ADAMTSL1: variants seen among roughly 807,000 people sequenced by gnomAD.
The protein encoded by ADAMTSL1 is ADAMTS-like protein 1.
A neutral mutation model predicts 201.8 loss-of-function variants in ADAMTSL1; 126 were observed. That is an observed-to-expected ratio of 0.62 (90% CI 0.54 to 0.72). The LOEUF is 0.72. Ranked by LOEUF, ADAMTSL1 falls within the 30% of genes least tolerant of loss-of-function variation. The pLI, the probability that ADAMTSL1 is intolerant of heterozygous loss-of-function variation, is 0.00. For missense variants in ADAMTSL1, 2,679 were observed against 2,277.8 expected (o/e 1.18, Z -3.59); for synonymous variants, 1,121 against 903.4 (o/e 1.24, Z -4.32).
chr9:18,698,799 G>C (rs936281227), intron 13 of ADAMTSL1, among the ~76,000 whole-genome samples: 1 of 152,218 alleles, frequency 6.6e-6, no homozygotes, highest in Non-Finnish European at 1.5e-5. Context: ...GATTTGTTAA[G>C]AATAGCAGAC....
intron 2 of ADAMTSL1, among the ~76,000 whole-genome samples, chr9:18,338,370 A>G (rs1334575322): frequency 6.6e-6 from 1 of 151,808 alleles, no homozygotes; most frequent in African/African-American, 2.4e-5. Flanking sequence ...CTGGTTTTCT[A>G]TTTCCATTCA....
At chr9:18,225,776 A>T (rs1459349398) in intron 2 of ADAMTSL1, among the ~76,000 whole-genome samples, 3 of 152,184 alleles carry the variant, frequency 2.0e-5, no homozygotes, top group African/African-American at 7.2e-5. Context: ...TTAAAATTAA[A>T]TATGATCATT....
chr9:18,052,233 C>A (rs1821971349), intron 1 of ADAMTSL1, among the ~76,000 whole-genome samples: 1 of 152,130 alleles, frequency 6.6e-6, no homozygotes, highest in Non-Finnish European at 1.5e-5. Flanking sequence ...ACAGTCTAGA[C>A]CAGAAAGCAG....
chr9:18,174,759 A>G (rs1828063120), intron 2 of ADAMTSL1, among the ~76,000 whole-genome samples: 1 of 152,174 alleles, frequency 6.6e-6, no homozygotes, highest in Non-Finnish European at 1.5e-5. Context: ...TGCAATTTCT[A>G]AATGTTCATT....
intron 2 of ADAMTSL1, among the ~76,000 whole-genome samples, chr9:18,290,441 C>G (rs1379635870): frequency 6.6e-6 from 1 of 152,114 alleles, no homozygotes; most frequent in Admixed American, 6.5e-5. Context: ...AAGAATGTGG[C>G]TGGGGTTGAA....
At chr9:18,171,616 C>G (rs1057008550) in intron 2 of ADAMTSL1, among the ~76,000 whole-genome samples, 1 of 152,006 alleles carries the variant, frequency 6.6e-6, no homozygotes, top group African/African-American at 2.4e-5. Flanking sequence ...AAATTTTCTC[C>G]CATTCTATAG....
intron 1 of ADAMTSL1, among the ~76,000 whole-genome samples, chr9:17,972,160 T>A (rs528211327): frequency 2.6e-5 from 4 of 151,472 alleles, no homozygotes; most frequent in East Asian, 1.9e-4. Context: ...TTTTTAAATT[T>A]TTTTATTTTA....
chr9:18,882,233 T>C (rs368614759), intron 23 of ADAMTSL1, among the ~76,000 whole-genome samples: 1 of 152,244 alleles, frequency 6.6e-6, no homozygotes, highest in East Asian at 1.9e-4. Flanking sequence ...ACAAATGTGC[T>C]TAGGAGTAGT....
intron 1 of ADAMTSL1, among the ~76,000 whole-genome samples, chr9:18,074,857 C>T (rs1201451124): frequency 6.6e-6 from 1 of 152,188 alleles, no homozygotes; most frequent in Non-Finnish European, 1.5e-5. Context: ...TCCTGAAGTG[C>T]TGGGATTACA....
At chr9:18,651,599 G>A (rs952767559) in intron 7 of ADAMTSL1, 2 of 152,108 alleles carry the variant, frequency 1.3e-5, no homozygotes, top group African/African-American at 4.8e-5. Flanking sequence ...TTCCTGCAGA[G>A]GACAATTTTT....
chr9:18,116,531 G>A (rs1185221718), intron 1 of ADAMTSL1, among the ~76,000 whole-genome samples: 1 of 152,100 alleles, frequency 6.6e-6, no homozygotes, highest in Non-Finnish European at 1.5e-5. Flanking sequence ...TTCTCTCACT[G>A]TGTTATGAAA....
At chr9:18,633,850 C>A (rs1233997417) in intron 5 of ADAMTSL1, among the ~76,000 whole-genome samples, 1 of 151,908 alleles carries the variant, frequency 6.6e-6, no homozygotes, top group Non-Finnish European at 1.5e-5. Context: ...GCATATGATT[C>A]TTTTTTCTCA....
intron 2 of ADAMTSL1, among the ~76,000 whole-genome samples, chr9:18,398,063 A>G (rs901824094): frequency 1.3e-5 from 2 of 152,218 alleles, no homozygotes; most frequent in East Asian, 1.9e-4. Flanking sequence ...CTGAAAGTAC[A>G]TTCAATCTAA....
At chr9:17,955,023 T>A (rs772018107) in intron 1 of ADAMTSL1, among the ~76,000 whole-genome samples, 1 of 152,088 alleles carries the variant, frequency 6.6e-6, no homozygotes, top group Non-Finnish European at 1.5e-5. Flanking sequence ...GTGGCCCCAG[T>A]TAAAAATAAT....
At chr9:18,546,373 AC>A (rs1820467412) in intron 3 of ADAMTSL1, among the ~76,000 whole-genome samples, 1 of 152,106 alleles carries the variant, frequency 6.6e-6, no homozygotes, top group Non-Finnish European at 1.5e-5. Context: ...GTGCACGGGT[AC>A]AATCACAGCT....
chr9:18,678,227 G>C (rs541262706), intron 10 of ADAMTSL1, among the ~76,000 whole-genome samples: 1 of 152,140 alleles, frequency 6.6e-6, no homozygotes, highest in African/African-American at 2.4e-5. Flanking sequence ...GCCAAAAGAG[G>C]CTAAATGTAT....
chr9:18,354,786 A>G (rs980740963), intron 2 of ADAMTSL1, among the ~76,000 whole-genome samples: 27 of 152,218 alleles, frequency 1.8e-4, no homozygotes, highest in African/African-American at 5.5e-4. Flanking sequence ...TGGCCAACGT[A>G]TAGTGAAACC....
intron 3 of ADAMTSL1, among the ~76,000 whole-genome samples, chr9:18,555,786 A>C (rs1030177394): frequency 4.6e-5 from 7 of 151,932 alleles, no homozygotes; most frequent in Non-Finnish European, 8.8e-5. Flanking sequence ...TGAAACATTG[A>C]GAGAATGGCA....
chr9:18,845,446 A>G (rs367938798), intron 23 of ADAMTSL1, among the ~76,000 whole-genome samples: 1 of 152,246 alleles, frequency 6.6e-6, no homozygotes, highest in African/African-American at 2.4e-5. Flanking sequence ...GGCACAGCCA[A>G]CACACATGGT....
Sources: gnomAD v4.1 joint callset for allele counts (sites outside exome capture counted in the v4.1 genomes callset) on GRCh38, gnomAD v4.1.1 for gene constraint, MANE v1.5 for transcripts, NCBI Gene and HGNC (gene_info 2026-07-23, HGNC 2026-07-21) for gene names.